ABCC8: variants seen among roughly 807,000 people sequenced by gnomAD.
ABCC8 encodes ATP-binding cassette sub-family C member 8.
A neutral mutation model predicts 188.0 loss-of-function variants in ABCC8; 137 were observed. That is an observed-to-expected ratio of 0.73 (90% CI 0.63 to 0.84). The LOEUF (loss-of-function observed/expected upper bound fraction) is 0.84. Ranked by LOEUF, ABCC8 falls within the 40% of genes least tolerant of loss-of-function variation. The pLI is 0.00. For synonymous variants in ABCC8, 797 were observed against 846.5 expected, an observed-to-expected ratio of 0.94 and a Z score of 1.01; for missense variants, 1,750 against 2,072.7, an observed-to-expected ratio of 0.84 and a Z score of 3.02.
chr11:17,426,664 T>C (rs1485250969), intron 16 of ABCC8, among the ~76,000 whole-genome samples: 2 of 152,150 alleles, frequency 1.3e-5, no homozygotes, highest in African/African-American at 4.8e-5. Context: ...CACTGGGAAA[T>C]TACTGCCGTG....
intron 23 of ABCC8, chr11:17,408,109 G>A (rs1395997490): frequency 2.9e-6 from 1 of 347,922 alleles, no homozygotes; most frequent in Non-Finnish European, 5.3e-6. Flanking sequence ...TGTTTTCTTT[G>A]CTTAGTTTTC....
intron 10 of ABCC8, among the ~76,000 whole-genome samples, chr11:17,441,605 C>T (rs1232456611): frequency 4.6e-5 from 7 of 152,030 alleles, no homozygotes; most frequent in African/African-American, 1.7e-4. Flanking sequence ...TGCTAAATAT[C>T]TACATCCCAA....
At chr11:17,450,257 TTTC>T in intron 7 of ABCC8, among the ~76,000 whole-genome samples, 12 of 52,074 alleles carry the variant, frequency 2.3e-4, no homozygotes, top group African/African-American at 7.4e-4. Context: ...TCTTTCTTTC[TTTC>T]TCTTTCTTTC....
At position 17,404,434 on chromosome 11, in the gene ABCC8, T is replaced by A. The variant is rs1282313631; in HGVS notation, c.3557+78A>T. ...TGGAGGGAACACGACCCTATTACTC[T>A]CATAACGATGAGTCTAGCAAGTACA... On this transcript the variant is annotated intron_variant, in intron 28 of 38. Transcript: ENST00000389817. The surrounding 1 kb of genome is among the most constrained non-coding windows in gnomAD (Gnocchi z 4.7). The A allele has an allele frequency of 7.0e-7, 1 of 1,435,004 alleles. No homozygotes were observed. Among genetic ancestry groups the A allele is most frequent in the East Asian group, 2.3e-5 (1 of 44,022 alleles). 88.9% of individuals were successfully genotyped at this position (1,435,004 alleles called of 1,614,324 possible).
At chr11:17,452,882 A>G (rs748158455) in intron 7 of ABCC8, among the ~76,000 whole-genome samples, 1 of 152,206 alleles carries the variant, frequency 6.6e-6, no homozygotes, top group African/African-American at 2.4e-5. Context: ...TTTCAGACCC[A>G]GTCCAAGGCA....
At chr11:17,417,163 C>T (rs1369285491) in intron 16 of ABCC8, 1 of 748,150 alleles carries the variant, frequency 1.3e-6, no homozygotes, top group Non-Finnish European at 1.6e-6. Flanking sequence ...GGGTACCCTC[C>T]AAATAGCATG....
chr11:17,460,432 A>T, intron 6 of ABCC8, 56 bp downstream of exon 6: 4 of 1,612,284 alleles, frequency 2.5e-6, no homozygotes, highest in Non-Finnish European at 2.5e-6. Flanking sequence ...TTGCACTCTC[A>T]GAAACAACTG....
chr11:17,468,986 T>C (rs1848321239), intron 3 of ABCC8, among the ~76,000 whole-genome samples: 1 of 151,950 alleles, frequency 6.6e-6, no homozygotes, highest in South Asian at 2.1e-4. Flanking sequence ...AACCTCAAGC[T>C]CTGGTCCCAG....
At chr11:17,438,808 T>C (rs1283052763) in intron 10 of ABCC8, among the ~76,000 whole-genome samples, 2 of 152,252 alleles carry the variant, frequency 1.3e-5, no homozygotes, top group Non-Finnish European at 2.9e-5. Context: ...CTTCCTTCTC[T>C]GTGCTTCGCC....
chr11:17,435,654 G>C, intron 10 of ABCC8: 1 of 1,408,224 alleles, frequency 7.1e-7, no homozygotes, highest in Non-Finnish European at 1.0e-6. Context: ...GGAAGATGAT[G>C]CTGGGAACCT....
intron 30 of ABCC8, among the ~76,000 whole-genome samples, chr11:17,398,083 C>T (rs1487442863): frequency 2.6e-5 from 4 of 152,210 alleles, no homozygotes; most frequent in Non-Finnish European, 5.9e-5. Flanking sequence ...TCATATGACC[C>T]ACTGCAGATA....
chr11:17,415,297 G>T lies in ABCC8; in HGVS notation c.2291+7C>A, dbSNP rs770152618. On this transcript the variant is annotated splice_region_variant and intron_variant, in intron 18 of 38. Coordinates refer to ENST00000389817, the MANE Select transcript of ABCC8 (RefSeq NM_000352.6). ...CCCTGGGGGGCAATGTTCCCAGGAC[G>T]CAGTACCTGATATCCAAGTCGGTCG... 3 of 1,607,914 alleles carry T rather than the reference G, an allele frequency of 1.9e-6. No homozygotes were observed. Among genetic ancestry groups the T allele is most frequent in the Non-Finnish European group, 2.5e-6 (3 of 1,177,918 alleles).
intron 2 of ABCC8, among the ~76,000 whole-genome samples, chr11:17,471,172 G>A (rs932272071): frequency 2.0e-5 from 3 of 152,198 alleles, no homozygotes; most frequent in African/African-American, 7.2e-5. Context: ...GTGTGCCAAG[G>A]GTCCCTGCCC....
At chr11:17,457,655 G>GGGAC (rs1957043583) in intron 6 of ABCC8, among the ~76,000 whole-genome samples, 1 of 152,144 alleles carries the variant, frequency 6.6e-6, no homozygotes, top group Admixed American at 6.5e-5. Context: ...GCCCAACCTG[G>GGGAC]GTCCCAGCTT....
chr11:17,399,086 TG>T (rs1954091903), intron 29 of ABCC8: 1 of 155,786 alleles, frequency 6.4e-6, no homozygotes, highest in African/African-American at 2.4e-5. Context: ...CTGGCCAACA[TG>T]GTGGAATTCT....
intron 7 of ABCC8, 111 bp from the exon 8 acceptor site, chr11:17,448,782 G>A (rs1394918504): frequency 6.4e-7 from 1 of 1,574,376 alleles, no homozygotes. Flanking sequence ...TCCCCATGGT[G>A]CCCTAGAGCA....
chr11:17,394,527 G>A (rs1953806022), intron 36 of ABCC8, 128 bp from the exon 37 acceptor site: 1 of 1,505,350 alleles, frequency 6.6e-7, no homozygotes, highest in Non-Finnish European at 9.0e-7. Flanking sequence ...GTGTGTCCAA[G>A]AGCACAGGCG....
chr11:17,403,779 C>T (rs1372183024), intron 28 of ABCC8, among the ~76,000 whole-genome samples: 1 of 152,140 alleles, frequency 6.6e-6, no homozygotes, highest in Non-Finnish European at 1.5e-5. Context: ...TGAATACAGT[C>T]TGATGTTTTT....
chr11:17,424,483 G>A (rs1450403951), intron 16 of ABCC8, among the ~76,000 whole-genome samples: 2 of 152,166 alleles, frequency 1.3e-5, no homozygotes, highest in Non-Finnish European at 2.9e-5. Context: ...CTGAGGCAGG[G>A]CAGAGCAGAC....
Sources: allele counts gnomAD v4.1 joint callset (sites outside exome capture counted in the v4.1 genomes callset), GRCh38; gene constraint gnomAD v4.1.1; non-coding constraint Gnocchi (gnomAD v3.1); transcripts MANE v1.5; gene names NCBI Gene and HGNC (gene_info 2026-07-23, HGNC 2026-07-21).